Variants in FRMPD4 observed in about 807,000 individuals in gnomAD.
The protein encoded by FRMPD4 is FERM and PDZ domain-containing protein 4.
Under a neutral mutation model 94.1 loss-of-function variants are expected in FRMPD4, and 22 were observed. The ratio of observed to expected loss-of-function variants is 0.23; its 90% CI spans 0.17 to 0.33. The LOEUF is 0.33. Among genes scored for constraint, FRMPD4 ranks in the 10% least tolerant of loss-of-function variants. The probability of loss-of-function intolerance (pLI) is 1.00; values close to 1 mark genes in which losing one functional copy is unlikely to be tolerated. For missense variants in FRMPD4, 1,111 were observed against 1,339.9 expected (o/e 0.83, Z 2.67); for synonymous variants, 631 against 548.6 (o/e 1.15, Z -2.10).
chrX:12,154,233 C>A (rs753407854), intron 1 of FRMPD4, among the ~76,000 whole-genome samples: 1 of 112,893 alleles, frequency 8.9e-6, no homozygotes, highest in East Asian at 2.8e-4. Flanking sequence ...GTAAAGACTT[C>A]TTTCTCTTCT....
intron 2 of FRMPD4, among the ~76,000 whole-genome samples, chrX:12,552,910 C>A (rs1248478917): frequency 1.8e-5 from 2 of 112,336 alleles, no homozygotes; most frequent in African/African-American, 3.2e-5. Flanking sequence ...AATCCTAGCA[C>A]TTTGGGAGGT....
chrX:12,295,603 G>A (rs1195324155), intron 1 of FRMPD4, among the ~76,000 whole-genome samples: 1 of 111,337 alleles, frequency 9.0e-6, no homozygotes, highest in Non-Finnish European at 1.9e-5. Context: ...CATTTTACTT[G>A]CATCCCCACA....
At chrX:12,697,954 A>G (rs1353150518) in intron 9 of FRMPD4, among the ~76,000 whole-genome samples, 2 of 112,331 alleles carry the variant, frequency 1.8e-5, no homozygotes. Context: ...CTCTTCTTTG[A>G]AATGCCTTGT....
intron 3 of FRMPD4, among the ~76,000 whole-genome samples, chrX:11,903,549 T>C (rs2053950194): frequency 8.9e-6 from 1 of 112,228 alleles, no homozygotes; most frequent in Non-Finnish European, 1.9e-5. Flanking sequence ...CCATGCTTTA[T>C]TTGTTTGAAG....
rs182815689 is a variant in FRMPD4, at chrX:12,685,058, G to C, written c.574-1039G>C. Among the ~76,000 whole-genome samples, 444 of 112,170 alleles carry C rather than the reference G, an allele frequency of 4.0e-3. 4 individuals are homozygous for C. The highest frequency in any genetic ancestry group is 5.6e-3 in the Non-Finnish European group (300 of 53,216). The stretch of plus-strand genomic sequence containing the variant: ...GATCCAGATTTATTCAGTGACTTGA[G>C]AGCAAGACTGTGCGGGAAGTCCACA... On this transcript the variant is annotated intron_variant, in intron 6 of 16. Coordinates refer to ENST00000675598, the MANE Select transcript of FRMPD4 (RefSeq NM_001368397.1).
intron 2 of FRMPD4, among the ~76,000 whole-genome samples, chrX:12,594,427 A>T (rs2148397918): frequency 9.2e-6 from 1 of 109,009 alleles, no homozygotes; most frequent in South Asian, 4.0e-4. Flanking sequence ...AACCCCATTT[A>T]TTTATTTATT....
intron 3 of FRMPD4, among the ~76,000 whole-genome samples, chrX:11,942,973 A>G (rs376610404): frequency 2.3e-4 from 26 of 112,089 alleles, no homozygotes; most frequent in African/African-American, 7.8e-4. Flanking sequence ...AATTGGATCT[A>G]TTTTTTAAAA....
At chrX:11,871,059 T>C (rs1403456574) in intron 2 of FRMPD4, among the ~76,000 whole-genome samples, 1 of 112,672 alleles carries the variant, frequency 8.9e-6, no homozygotes, top group Non-Finnish European at 1.9e-5. Flanking sequence ...CCAGAGGCTG[T>C]GGTCTGGTTG....
chrX:12,104,845 A>G (rs1380835535), intron 3 of FRMPD4, among the ~76,000 whole-genome samples: 1 of 24,725 alleles, frequency 4.0e-5, no homozygotes, highest in Non-Finnish European at 1.7e-4. Flanking sequence ...TGAAGACAAC[A>G]CCGAGTAAGT....
chrX:12,147,127 T>C (rs2055779998), intron 1 of FRMPD4, among the ~76,000 whole-genome samples: 1 of 112,515 alleles, frequency 8.9e-6, no homozygotes, highest in African/African-American at 3.2e-5. Context: ...ACAACATTTC[T>C]TCATTGTGTG....
At chrX:12,659,455 T>C (rs955743606) in intron 4 of FRMPD4, among the ~76,000 whole-genome samples, 2 of 113,003 alleles carry the variant, frequency 1.8e-5, no homozygotes, top group South Asian at 7.3e-4. Context: ...CTCAGCACTA[T>C]TGACATTTTG....
intron 1 of FRMPD4, among the ~76,000 whole-genome samples, chrX:12,433,626 A>G (rs2057032494): frequency 8.9e-6 from 1 of 112,451 alleles, no homozygotes; most frequent in South Asian, 3.7e-4. Context: ...TGTTCAAGGT[A>G]TGAGGGCCCG....
intron 1 of FRMPD4, among the ~76,000 whole-genome samples, chrX:12,286,379 G>A (rs2054600076): frequency 2.7e-5 from 3 of 111,292 alleles, no homozygotes; most frequent in Non-Finnish European, 5.7e-5. Flanking sequence ...ATAATATGAG[G>A]AGAACCCCCT....
intron 3 of FRMPD4, among the ~76,000 whole-genome samples, chrX:11,941,213 G>A (rs975734797): frequency 4.0e-5 from 2 of 50,247 alleles, no homozygotes; most frequent in Admixed American, 2.5e-4. Flanking sequence ...AGATGAACCC[G>A]GTACCTCAGA....
chrX:12,686,115 T>C lies in FRMPD4; in HGVS notation c.592T>C (p.Ser198Pro). 1.7e-6 allele frequency: 2 copies of C among 1,169,003 alleles called. No homozygotes were observed. Among genetic ancestry groups the C allele is most frequent in the Non-Finnish European group, 2.3e-6 (2 of 857,746 alleles). The change falls in exon 7 of 17, where the codon TCA (serine) becomes CCA (proline). Residue 198 changes from serine to proline, a missense_variant. Physicochemically the swap from Ser to Pro is moderately conservative, Grantham distance 74 (BLOSUM62 -1). Coordinates refer to ENST00000675598, the MANE Select transcript of FRMPD4 (RefSeq NM_001368397.1). ...GQVSETVKDNSLLFMPNVLKV... is the reference protein window; with the variant it reads ...GQVSETVKDNPLLFMPNVLKV... ...TAAACAGGAAACTGTTAAGGACAAC[T>C]CACTTCTTTTTATGCCAAATGTTTT...
chrX:11,965,021 C>A (rs2054302859), intron 3 of FRMPD4, among the ~76,000 whole-genome samples: 1 of 112,759 alleles, frequency 8.9e-6, no homozygotes, highest in East Asian at 2.8e-4. Flanking sequence ...CCTCCCTCTT[C>A]TAGTTTTATG....
intron 1 of FRMPD4, among the ~76,000 whole-genome samples, chrX:11,862,992 C>G (rs1279688838): frequency 1.7e-4 from 8 of 47,236 alleles, no homozygotes; most frequent in Admixed American, 5.2e-4. Context: ...TGATGCATCT[C>G]TCTCTCTTTT....
intron 3 of FRMPD4, among the ~76,000 whole-genome samples, chrX:11,967,554 C>T (rs1399820591): frequency 6.3e-5 from 7 of 111,405 alleles, no homozygotes; most frequent in Non-Finnish European, 9.4e-5. Context: ...TGCCTTGAAC[C>T]CTTACAGTAG....
At chrX:12,714,795 ATTG>A (rs1183108823) in intron 14 of FRMPD4, among the ~76,000 whole-genome samples, 1 of 111,745 alleles carries the variant, frequency 8.9e-6, no homozygotes, top group Non-Finnish European at 1.9e-5. Flanking sequence ...CATAATCCAA[ATTG>A]TTGTTAATAA....
Sources: allele counts gnomAD v4.1 joint callset (sites outside exome capture counted in the v4.1 genomes callset), GRCh38; gene constraint gnomAD v4.1.1; transcripts MANE v1.5; gene names NCBI Gene and HGNC (gene_info 2026-07-23, HGNC 2026-07-21).